RNF150: variants seen among roughly 807,000 people sequenced by gnomAD.
RNF150 encodes the protein ring finger protein 150.
RNF150 carries 24 observed loss-of-function variants against 39.3 expected under a neutral mutation model. The ratio of observed to expected loss-of-function variants is 0.61; its 90% CI spans 0.44 to 0.86. The LOEUF (loss-of-function observed/expected upper bound fraction) is 0.86, where lower values mean the gene tolerates loss of function less well. Among genes scored for constraint, RNF150 ranks in the 40% least tolerant of loss-of-function variants. The pLI is 0.00. For missense variants in RNF150, 502 were observed against 587.8 expected, an observed-to-expected ratio of 0.85 and a Z score of 1.51; for synonymous variants, 255 against 227.3, an observed-to-expected ratio of 1.12 and a Z score of -1.10.
intron 1 of RNF150, among the ~76,000 whole-genome samples, chr4:141,045,297 G>C (rs1027477062): frequency 6.6e-6 from 1 of 152,144 alleles, no homozygotes; most frequent in Non-Finnish European, 1.5e-5. Flanking sequence ...TGAGAAGTTT[G>C]ATAAGTACTG....
At chr4:141,153,563 G>C (rs1431733577) in intron 1 of RNF150, among the ~76,000 whole-genome samples, 2 of 152,124 alleles carry the variant, frequency 1.3e-5, no homozygotes, top group African/African-American at 4.8e-5. Context: ...CCAGTCTGTG[G>C]TAATTTGTTA....
At chr4:141,011,029 A>G (rs1031148446) in intron 1 of RNF150, among the ~76,000 whole-genome samples, 7 of 152,140 alleles carry the variant, frequency 4.6e-5, no homozygotes, top group Non-Finnish European at 1.0e-4. Flanking sequence ...TATTGTATTT[A>G]AAAGTGCTGA....
intron 5 of RNF150, among the ~76,000 whole-genome samples, chr4:140,916,587 G>A (rs1231855665): frequency 2.0e-5 from 3 of 150,114 alleles, no homozygotes; most frequent in African/African-American, 7.6e-5. Context: ...GAAAGTGACG[G>A]GGAGAATGGA....
At chr4:141,020,873 A>G (rs1735464809) in intron 1 of RNF150, among the ~76,000 whole-genome samples, 1 of 152,172 alleles carries the variant, frequency 6.6e-6, no homozygotes, top group African/African-American at 2.4e-5. Context: ...TTGGACGTGA[A>G]AATAAATAAA....
intron 1 of RNF150, among the ~76,000 whole-genome samples, chr4:141,039,502 C>A (rs1736277640): frequency 6.6e-6 from 1 of 151,918 alleles, no homozygotes; most frequent in Non-Finnish European, 1.5e-5. Context: ...TAAAGAAAGG[C>A]CATACATTTA....
At chr4:140,889,197 A>T (rs1729677597) in intron 6 of RNF150, among the ~76,000 whole-genome samples, 1 of 152,168 alleles carries the variant, frequency 6.6e-6, no homozygotes, top group Non-Finnish European at 1.5e-5. Flanking sequence ...CAATTCATTT[A>T]AACGATTTAT....
At chr4:141,021,336 G>A (rs1436785385) in intron 1 of RNF150, among the ~76,000 whole-genome samples, 1 of 152,182 alleles carries the variant, frequency 6.6e-6, no homozygotes, top group Non-Finnish European at 1.5e-5. Flanking sequence ...CCTGAGTAGA[G>A]TTGAGTTTGG....
At chr4:141,178,623 C>A (rs551366152) in intron 1 of RNF150, among the ~76,000 whole-genome samples, 1 of 151,990 alleles carries the variant, frequency 6.6e-6, no homozygotes, top group Non-Finnish European at 1.5e-5. Context: ...TTAAAGAAGA[C>A]AAGTTCCTTA....
intron 1 of RNF150, among the ~76,000 whole-genome samples, chr4:141,149,018 G>T (rs1278972188): frequency 1.3e-5 from 2 of 152,078 alleles, no homozygotes; most frequent in Non-Finnish European, 2.9e-5. Flanking sequence ...CTGAACAGAA[G>T]GTTTAACTTG....
chr4:141,047,197 T>C (rs970643025), intron 1 of RNF150, among the ~76,000 whole-genome samples: 1 of 152,068 alleles, frequency 6.6e-6, no homozygotes, highest in African/African-American at 2.4e-5. Flanking sequence ...TCTGAAAATA[T>C]TTAGAAAGCT....
At chr4:141,055,927 T>C (rs940157855) in intron 1 of RNF150, among the ~76,000 whole-genome samples, 1 of 152,118 alleles carries the variant, frequency 6.6e-6, no homozygotes, top group South Asian at 2.1e-4. Context: ...ACTTTGAAAA[T>C]AGTGGAGTGC....
At chr4:140,957,591 A>G (rs1348937396) in intron 2 of RNF150, among the ~76,000 whole-genome samples, 23 of 152,204 alleles carry the variant, frequency 1.5e-4, no homozygotes. Context: ...CTATAAAGAC[A>G]CATGTACACG....
intron 1 of RNF150, among the ~76,000 whole-genome samples, chr4:141,163,361 T>C (rs960226220): frequency 6.6e-6 from 1 of 152,214 alleles, no homozygotes; most frequent in African/African-American, 2.4e-5. Flanking sequence ...AGGGAAGCAG[T>C]GGCTGTGGGC....
At chr4:140,949,588 C>A (rs899572492) in intron 2 of RNF150, among the ~76,000 whole-genome samples, 4 of 152,080 alleles carry the variant, frequency 2.6e-5, no homozygotes, top group South Asian at 2.1e-4. Context: ...GAGAGAAGTT[C>A]TTCATGCCTA....
At chr4:141,173,325 CATTT>C (rs1727761303) in intron 1 of RNF150, among the ~76,000 whole-genome samples, 1 of 152,142 alleles carries the variant, frequency 6.6e-6, no homozygotes, top group Non-Finnish European at 1.5e-5. Flanking sequence ...TTTGATTATG[CATTT>C]ATTTTCATTA....
chr4:140,942,329 C>G (rs79090200), intron 4 of RNF150, among the ~76,000 whole-genome samples: 1 of 152,138 alleles, frequency 6.6e-6, no homozygotes, highest in African/African-American at 2.4e-5. Context: ...TGATGGAGCC[C>G]GCCTCAGAGG....
intron 1 of RNF150, among the ~76,000 whole-genome samples, chr4:141,142,666 G>A (rs758503268): frequency 1.5e-4 from 23 of 152,114 alleles, no homozygotes; most frequent in South Asian, 4.2e-4. Flanking sequence ...CTCACCTTAC[G>A]TAACCTCTCA....
chr4:141,092,465 G>A (rs116145727), intron 1 of RNF150, among the ~76,000 whole-genome samples: 177 of 152,040 alleles, frequency 1.2e-3, no homozygotes, highest in African/African-American at 4.1e-3. Context: ...AAATCCTTTG[G>A]TATTAGGTAC....
chr4:141,114,313 A>G (rs745708716), intron 1 of RNF150, among the ~76,000 whole-genome samples: 43 of 152,182 alleles, frequency 2.8e-4, no homozygotes, highest in Non-Finnish European at 8.8e-5. Context: ...CACAAAAATG[A>G]CGAGGATATC....
Sources: allele counts gnomAD v4.1 joint callset (sites outside exome capture counted in the v4.1 genomes callset), GRCh38; gene constraint gnomAD v4.1.1; transcripts MANE v1.5; gene names NCBI Gene and HGNC (gene_info 2026-07-23, HGNC 2026-07-21).